Variants in PLCH2 observed in about 807,000 individuals in gnomAD.
PLCH2 encodes the protein phospholipase C eta 2.
A neutral mutation model predicts 134.7 loss-of-function variants in PLCH2; 98 were observed. The ratio of observed to expected loss-of-function variants is 0.73; its 90% confidence interval spans 0.62 to 0.86. The LOEUF is 0.86. Ranked by LOEUF, PLCH2 falls within the 40% of genes least tolerant of loss-of-function variation. The probability of loss-of-function intolerance (pLI) is 0.00; values close to 1 mark genes in which losing one functional copy is unlikely to be tolerated. For missense variants in PLCH2, 1,994 were observed against 1,986.6 expected (o/e 1.00, Z -0.07); for synonymous variants, 974 against 827.5 (o/e 1.18, Z -3.04).
intron 1 of PLCH2, among the ~76,000 whole-genome samples, chr1:2,470,843 T>C (rs1641290410): frequency 6.6e-6 from 1 of 152,172 alleles, no homozygotes; most frequent in South Asian, 2.1e-4. Flanking sequence ...GCCACGAGCC[T>C]GGCTCCCTCT....
intron 15 of PLCH2, 76 bp from the exon 16 acceptor site, chr1:2,497,426 G>A (rs555536313): frequency 1.8e-5 from 17 of 959,054 alleles, no homozygotes; most frequent in Middle Eastern, 2.2e-4. Context: ...GGAGGCTAGC[G>A]TGTGGTGGTG....
At chr1:2,480,489 C>T (rs564608278) in intron 4 of PLCH2, among the ~76,000 whole-genome samples, 177 bp downstream of exon 4, 20 of 152,282 alleles carry the variant, frequency 1.3e-4, no homozygotes, top group African/African-American at 4.6e-4. Flanking sequence ...ACCCCACAGC[C>T]TATGGCAGGC....
In PLCH2 at chr1:2,494,996, TCC is replaced by T. The variant is rs1189611709; in HGVS notation, c.1752+50_1752+51del. 5 of 1,275,326 alleles carry T rather than the reference TCC, an allele frequency of 3.9e-6. No homozygotes were observed. In the African/African-American group the frequency reaches 5.8e-5, roughly 15 times the overall value. 79.0% of individuals were successfully genotyped at this position (1,275,326 alleles called of 1,614,324 possible). ...GGGTCCCGGTCTGGGCCCAGTGTCC[TCC>T]CTGCTCCCAGTGCCCCGTGTCCTCC... On this transcript the variant is annotated intron_variant, in intron 12 of 21. Transcript: ENST00000378486.
rs763918849 is a variant in PLCH2 at position 2,502,397 on chromosome 1, G to A, written c.2947G>A (p.Gly983Ser). ...CCCAGCCCAGGAGGGGCCCGGCAGC[G>A]GCAGCCCCCGAGGTAAGGCGCCAGC... ...EAPAQEGPGSGSPRDTRPLST... is the reference protein window; with the variant it reads ...EAPAQEGPGSSSPRDTRPLST... The change falls in exon 21 of 22, where the codon GGC (glycine) becomes AGC (serine). Residue 983 changes from glycine to serine, a missense_variant. Gly to Ser is a moderately conservative substitution (Grantham distance 56, BLOSUM62 0). Around this residue, in one of 2 missense-constraint regions of PLCH2, gnomAD observed 900 missense variants for 752.3 expected, o/e 1.20. Transcript: ENST00000378486. 10 of 1,543,378 alleles carry A rather than the reference G, an allele frequency of 6.5e-6. No homozygotes were observed. Among genetic ancestry groups the A allele is most frequent in the East Asian group, 2.4e-5 (1 of 40,840 alleles).
At chr1:2,474,279 C>T (rs963813409), upstream of PLCH2, among the ~76,000 whole-genome samples, 1 of 152,208 alleles carries the variant, frequency 6.6e-6, no homozygotes, top group Non-Finnish European at 1.5e-5. Flanking sequence ...CCGGGGCACC[C>T]CCGGCTTCAC....
In PLCH2 at chr1:2,478,174, G is replaced by A. The variant is rs564714542; in HGVS notation, c.125-302G>A. 5.3e-5 allele frequency among the ~76,000 whole-genome samples: 8 copies of A among 152,356 alleles called. No homozygotes were observed. The South Asian group carries it at 1.0e-3, about 20-fold the overall frequency. On this transcript the variant is annotated intron_variant, in intron 1 of 21. Coordinates refer to ENST00000378486, the MANE Select transcript of PLCH2 (RefSeq NM_014638.4). ...GAGGTGGTGGGAGTGGCAGGTGGCC[G>A]AGCAGGGTGGGGAGCAGGGCCCTCA...
chr1:2,499,847 C>A, intron 20 of PLCH2, 127 bp downstream of exon 20: 1 of 727,306 alleles, frequency 1.4e-6, no homozygotes, highest in Non-Finnish European at 2.4e-6. Context: ...GTCCCCTCCC[C>A]GGGCCTCTGC....
the PLCH2 span, among the ~76,000 whole-genome samples, chr1:2,419,222 G>A: frequency 4.1e-4 from 62 of 152,286 alleles, no homozygotes; most frequent in Middle Eastern, 6.8e-3. Context: ...TGGTCTGCAC[G>A]GTCGAGCTTC....
At chr1:2,479,340 T>G in intron 2 of PLCH2, 1 of 176,252 alleles carries the variant, frequency 5.7e-6, no homozygotes, top group South Asian at 1.5e-4. Flanking sequence ...GAGCTGGGGG[T>G]CCCTGGAGCC....
At chr1:2,502,028 C>T (rs1215029847) in intron 20 of PLCH2, 84 bp from the exon 21 acceptor site, 61 of 1,246,032 alleles carry the variant, frequency 4.9e-5, no homozygotes, top group Middle Eastern at 2.1e-4. Flanking sequence ...GTCTGTGGCA[C>T]GGTCTGGAGA....
intron 2 of PLCH2, among the ~76,000 whole-genome samples, chr1:2,462,019 G>A (rs558236765): frequency 9.2e-4 from 139 of 151,378 alleles, no homozygotes; most frequent in African/African-American, 3.2e-3. Flanking sequence ...TGTGCCACTC[G>A]GCAGCCCCTC....
At chr1:2,497,915 G>A (rs889977726) in intron 16 of PLCH2, 11 of 365,572 alleles carry the variant, frequency 3.0e-5, no homozygotes, top group African/African-American at 8.1e-5. Flanking sequence ...CAGTGCCAGC[G>A]ACCCAGCCCC....
intron 2 of PLCH2, among the ~76,000 whole-genome samples, chr1:2,454,458 C>T (rs1355118423): frequency 6.6e-6 from 1 of 152,154 alleles, no homozygotes; most frequent in East Asian, 1.9e-4. Context: ...GTGGTGTGGT[C>T]CCCTCCGGGA....
intron 1 of PLCH2, among the ~76,000 whole-genome samples, chr1:2,427,527 T>C (rs1638856476): frequency 2.0e-5 from 3 of 152,206 alleles, no homozygotes; most frequent in African/African-American, 4.8e-5. Flanking sequence ...ACATCTTTCC[T>C]GGAGAGGCTG....
intron 1 of PLCH2, among the ~76,000 whole-genome samples, chr1:2,467,939 A>G (rs1035646558): frequency 3.3e-5 from 5 of 152,118 alleles, no homozygotes; most frequent in African/African-American, 1.2e-4. Flanking sequence ...CTGTGCTGAC[A>G]CGTGAAAGCG....
chr1:2,502,343 C>G lies in PLCH2; in HGVS notation c.2893C>G (p.Pro965Ala). 1 of 1,534,160 alleles carries G rather than the reference C, an allele frequency of 6.5e-7. No homozygotes were observed. The highest frequency in any genetic ancestry group is 8.8e-7 in the Non-Finnish European group (1 of 1,141,576). ...GSKGVADDVV[P>A]PGPGPAPEAP... ...CAAGGGGGTGGCAGACGATGTGGTG[C>G]CCCCCGGGCCCGGACCTGCTCCGGA... The change falls in exon 21 of 22, where the codon CCC (proline) becomes GCC (alanine). Residue 965 changes from proline (P) to alanine (A), a missense_variant. Around this residue, in one of 2 missense-constraint regions of PLCH2, gnomAD observed 900 missense variants for 752.3 expected, o/e 1.20. Coordinates refer to ENST00000378486, the MANE Select transcript of PLCH2 (RefSeq NM_014638.4).
chr1:2,423,066 T>C (rs1361816960), upstream of PLCH2, among the ~76,000 whole-genome samples: 1 of 152,208 alleles, frequency 6.6e-6, no homozygotes, highest in African/African-American at 2.4e-5. Flanking sequence ...TGAATACAAG[T>C]TTTCCAAAAT....
chr1:2,433,580 G>A (rs1317428136), intron 2 of PLCH2, among the ~76,000 whole-genome samples: 5 of 152,206 alleles, frequency 3.3e-5, no homozygotes, highest in South Asian at 2.1e-4. Context: ...GAGCCTCCCC[G>A]GGGGCTTTCT....
intron 1 of PLCH2, among the ~76,000 whole-genome samples, chr1:2,468,166 AG>A (rs1641158339): frequency 6.6e-6 from 1 of 152,138 alleles, no homozygotes; most frequent in Admixed American, 6.5e-5. Flanking sequence ...CCCCTGATCG[AG>A]GTTGGCAAAG....
Sources: gnomAD v4.1 joint callset for allele counts (sites outside exome capture counted in the v4.1 genomes callset) on GRCh38, gnomAD v4.1.1 for gene constraint, gnomAD v4.1.1 regional missense constraint, MANE v1.5 for transcripts, NCBI Gene and HGNC (gene_info 2026-07-23, HGNC 2026-07-21) for gene names.